CTNNA3: variants seen among roughly 807,000 people sequenced by gnomAD.
The protein encoded by CTNNA3 is catenin alpha 3, also known as catenin alpha-3.
A neutral mutation model predicts 95.7 loss-of-function variants in CTNNA3; 76 were observed. That is an observed-to-expected ratio of 0.79 (90% CI 0.66 to 0.96). The LOEUF is 0.96. Ranked by LOEUF, CTNNA3 falls within the 40% of genes least tolerant of loss-of-function variation. The pLI is 0.00. For synonymous variants in CTNNA3, 431 were observed against 374.4 expected (o/e 1.15, Z -1.74); for missense variants, 1,191 against 1,089.8 (o/e 1.09, Z -1.31).
At chr10:66,250,942 G>A (rs1393073666) in intron 13 of CTNNA3, among the ~76,000 whole-genome samples, 2 of 152,184 alleles carry the variant, frequency 1.3e-5, no homozygotes, top group Non-Finnish European at 1.5e-5. Flanking sequence ...GTTACCATAT[G>A]AAGTGGAGAA....
At chr10:67,098,011 G>C (rs1469451350) in intron 7 of CTNNA3, 3 of 561,844 alleles carry the variant, frequency 5.3e-6, no homozygotes, top group Admixed American at 6.2e-5. Flanking sequence ...AGTATTTTTT[G>C]ACTTAAACAG....
At chr10:67,408,609 G>C (rs754613091) in intron 5 of CTNNA3, among the ~76,000 whole-genome samples, 30 of 152,100 alleles carry the variant, frequency 2.0e-4, no homozygotes, top group Middle Eastern at 3.4e-3. Context: ...AGACTTAAAT[G>C]TAAAACCCAA....
At chr10:67,617,614 T>C (rs1437560246) in intron 2 of CTNNA3, among the ~76,000 whole-genome samples, 1 of 152,188 alleles carries the variant, frequency 6.6e-6, no homozygotes, top group Non-Finnish European at 1.5e-5. Flanking sequence ...ACTCTGGGTA[T>C]ATATCCAGTA....
At chr10:67,050,619 G>A (rs886314835) in intron 7 of CTNNA3, among the ~76,000 whole-genome samples, 1 of 152,158 alleles carries the variant, frequency 6.6e-6, no homozygotes, top group African/African-American at 2.4e-5. Flanking sequence ...AGGCTCTTTG[G>A]TACGCTGAGG....
intron 7 of CTNNA3, among the ~76,000 whole-genome samples, chr10:67,080,425 C>A (rs1856987742): frequency 6.6e-6 from 1 of 152,162 alleles, no homozygotes; most frequent in Non-Finnish European, 1.5e-5. Flanking sequence ...AATGAAAAAA[C>A]TGAATTCTGC....
chr10:67,284,434 T>A (rs1839515909), intron 5 of CTNNA3, among the ~76,000 whole-genome samples: 1 of 152,178 alleles, frequency 6.6e-6, no homozygotes, highest in Admixed American at 6.5e-5. Context: ...ATTATTTTGT[T>A]CAAAAGCAAC....
chr10:65,975,790 T>C (rs1490681437), intron 16 of CTNNA3, among the ~76,000 whole-genome samples: 2 of 152,158 alleles, frequency 1.3e-5, no homozygotes, highest in Non-Finnish European at 2.9e-5. Context: ...TAGTTTTCTC[T>C]GTTTCATTCA....
At chr10:65,959,587 T>G (rs763816254) in intron 17 of CTNNA3, among the ~76,000 whole-genome samples, 2 of 152,108 alleles carry the variant, frequency 1.3e-5, no homozygotes, top group Non-Finnish European at 2.9e-5. Flanking sequence ...TGCAGTGGCA[T>G]GATCTCAGCT....
chr10:65,977,218 A>G (rs891105156), intron 16 of CTNNA3, among the ~76,000 whole-genome samples: 1 of 152,144 alleles, frequency 6.6e-6, no homozygotes, highest in Non-Finnish European at 1.5e-5. Context: ...TCTAAGTTTT[A>G]TAATCACAGG....
chr10:66,944,303 T>C (rs1009603909), intron 7 of CTNNA3, among the ~76,000 whole-genome samples: 1 of 152,172 alleles, frequency 6.6e-6, no homozygotes, highest in Non-Finnish European at 1.5e-5. Context: ...ACTTTCTCTG[T>C]TCATCCATAA....
intron 5 of CTNNA3, among the ~76,000 whole-genome samples, chr10:67,507,810 G>T (rs1839476147): frequency 6.6e-6 from 1 of 152,042 alleles, no homozygotes. Flanking sequence ...GCACAAACAT[G>T]CAAAACTCCT....
At chr10:67,260,283 C>G (rs545694053) in intron 5 of CTNNA3, among the ~76,000 whole-genome samples, 2 of 152,116 alleles carry the variant, frequency 1.3e-5, no homozygotes, top group African/African-American at 4.8e-5. Context: ...CGGAAGAGGA[C>G]CCAAAGTAGC....
intron 15 of CTNNA3, among the ~76,000 whole-genome samples, chr10:66,016,909 A>G (rs1249941046): frequency 1.3e-5 from 2 of 152,212 alleles, no homozygotes; most frequent in African/African-American, 4.8e-5. Flanking sequence ...CAAATTCTGC[A>G]TTAGTATAAC....
intron 7 of CTNNA3, among the ~76,000 whole-genome samples, chr10:66,796,532 GA>G (rs1841198189): frequency 6.6e-6 from 1 of 151,854 alleles, no homozygotes; most frequent in East Asian, 1.9e-4. Flanking sequence ...AATATTAAAA[GA>G]ATTACCAAAA....
At chr10:67,690,155 G>T (rs1338427171) in intron 1 of CTNNA3, among the ~76,000 whole-genome samples, 1 of 152,108 alleles carries the variant, frequency 6.6e-6, no homozygotes, top group Non-Finnish European at 1.5e-5. Flanking sequence ...GACTTCAGGA[G>T]TGAAGCCACA....
chr10:66,137,279 T>A (rs769444079), intron 13 of CTNNA3, among the ~76,000 whole-genome samples: 10 of 152,112 alleles, frequency 6.6e-5, no homozygotes, highest in Admixed American at 3.3e-4. Context: ...ACAAAAGATA[T>A]TTAATCTTTT....
intron 9 of CTNNA3, among the ~76,000 whole-genome samples, chr10:66,726,519 T>C (rs900304330): frequency 2.0e-5 from 3 of 152,232 alleles, no homozygotes; most frequent in Admixed American, 1.3e-4. Context: ...CTACATTCTA[T>C]TTTGAACATC....
chr10:66,617,873 T>G (rs932791725), intron 10 of CTNNA3, among the ~76,000 whole-genome samples: 4 of 151,276 alleles, frequency 2.6e-5, no homozygotes, highest in Non-Finnish European at 5.9e-5. Context: ...TCTCAGGATA[T>G]AAAACCAATG....
intron 8 of CTNNA3, among the ~76,000 whole-genome samples, chr10:66,768,221 A>C (rs1192337116): frequency 6.6e-6 from 1 of 152,120 alleles, no homozygotes; most frequent in Non-Finnish European, 1.5e-5. Flanking sequence ...CATAATTAGG[A>C]CATGTAGATT....
Sources: gnomAD v4.1 joint callset for allele counts (sites outside exome capture counted in the v4.1 genomes callset) on GRCh38, gnomAD v4.1.1 for gene constraint, MANE v1.5 for transcripts, NCBI Gene and HGNC (gene_info 2026-07-23, HGNC 2026-07-21) for gene names.